The following DEDD2 variants were observed in gnomAD, a reference collection of about 807,000 sequenced individuals.
The protein encoded by DEDD2 is death effector domain containing 2.
DEDD2 carries 18 observed loss-of-function variants against 28.9 expected under a neutral mutation model. The ratio of observed to expected loss-of-function variants is 0.62; its 90% CI spans 0.43 to 0.92. DEDD2 has a LOEUF of 0.92. Among genes scored for constraint, DEDD2 ranks in the 40% least tolerant of loss-of-function variants. The pLI is 0.00. For missense variants in DEDD2, 411 were observed against 463.3 expected, an observed-to-expected ratio of 0.89 and a Z score of 1.04; for synonymous variants, 211 against 206.1, an observed-to-expected ratio of 1.02 and a Z score of -0.20.
At chr19:42,203,034 A>C (rs2035393077) in intron 4 of DEDD2, among the ~76,000 whole-genome samples, 1 of 152,206 alleles carries the variant, frequency 6.6e-6, no homozygotes, top group South Asian at 2.1e-4. Flanking sequence ...TCCCCACAAC[A>C]ATCAGGTGAT....
Position 42,210,554 on chromosome 19 carries a change from C to T in DEDD2, c.449-714G>A, listed in dbSNP as rs534113102. Among the ~76,000 whole-genome samples, 24 of 151,990 alleles carry T rather than the reference C, an allele frequency of 1.6e-4. 1 individual carries two copies. In the East Asian group the frequency reaches 2.9e-3, roughly 19 times the overall value. ...GATTACAGGTGTCTGCCACGACAACCGGCTAATTTTTTGTATTTTAAGTAG... is the reference window on the plus strand; with the variant it reads ...GATTACAGGTGTCTGCCACGACAACTGGCTAATTTTTTGTATTTTAAGTAG... On this transcript the variant is annotated intron_variant, in intron 3 of 4. Coordinates refer to ENST00000596251, the MANE Select transcript of DEDD2 (RefSeq NM_133328.4).
At chr19:42,212,756 C>T (rs897420392) in intron 3 of DEDD2, among the ~76,000 whole-genome samples, 1 of 152,164 alleles carries the variant, frequency 6.6e-6, no homozygotes, top group Non-Finnish European at 1.5e-5. Context: ...TGAGCCACTG[C>T]ACCCGGCTAG....
intron 2 of DEDD2, 140 bp downstream of exon 2, chr19:42,216,540 G>A: frequency 1.2e-5 from 11 of 880,312 alleles, no homozygotes; most frequent in Non-Finnish European, 1.8e-5. Flanking sequence ...GTTGCTCATT[G>A]ATATTGTGGG....
intron 4 of DEDD2, among the ~76,000 whole-genome samples, chr19:42,200,555 G>A (rs887664903): frequency 2.6e-5 from 4 of 152,202 alleles, no homozygotes; most frequent in South Asian, 2.1e-4. Flanking sequence ...GGAGGCTTGC[G>A]GCTGGACCTG....
upstream of DEDD2, among the ~76,000 whole-genome samples, chr19:42,219,208 G>T (rs1205963): frequency 0.048 from 7,315 of 152,238 alleles, 534 homozygotes; most frequent in African/African-American, 0.16. Context: ...GGAGGCTGAC[G>T]CAGGAGAATC....
chr19:42,212,749 G>A (rs2035819928), intron 3 of DEDD2, among the ~76,000 whole-genome samples: 1 of 152,110 alleles, frequency 6.6e-6, no homozygotes, highest in African/African-American at 2.4e-5. Context: ...ACAGGTGTGA[G>A]CCACTGCACC....
intron 4 of DEDD2, among the ~76,000 whole-genome samples, chr19:42,205,666 T>C (rs1353850639): frequency 1.3e-5 from 2 of 151,746 alleles, no homozygotes; most frequent in African/African-American, 4.8e-5. Context: ...CAGTGAAACA[T>C]CTACAGATGA....
At chr19:42,210,403 T>G (rs1858514623) in intron 3 of DEDD2, among the ~76,000 whole-genome samples, 1 of 152,110 alleles carries the variant, frequency 6.6e-6, no homozygotes, top group African/African-American at 2.4e-5. Flanking sequence ...TTTCATACTT[T>G]TTTTTTTGAG....
chr19:42,210,492 C>T (rs1599773564), intron 3 of DEDD2, among the ~76,000 whole-genome samples: 1 of 151,990 alleles, frequency 6.6e-6, no homozygotes, highest in Non-Finnish European at 1.5e-5. Context: ...CTCCCGGGTT[C>T]AAGCAATTCT....
At chr19:42,200,034 A>G (rs2035269663) in intron 4 of DEDD2, among the ~76,000 whole-genome samples, 1 of 151,888 alleles carries the variant, frequency 6.6e-6, no homozygotes, top group South Asian at 2.1e-4. Context: ...TCACTGCTCC[A>G]ACAAGCCTCC....
At chr19:42,203,040 G>A (rs2035393699) in intron 4 of DEDD2, among the ~76,000 whole-genome samples, 1 of 152,182 alleles carries the variant, frequency 6.6e-6, no homozygotes, top group Non-Finnish European at 1.5e-5. Flanking sequence ...CAACAATCAG[G>A]TGATGCTGTT....
Position 42,209,779 on chromosome 19 carries a change from C to T in DEDD2, c.510G>A (p.Arg170=). The change falls in exon 4 of 5, where the codon CGG becomes CGA. Residue 170 remains arginine, a synonymous_variant. Transcript: ENST00000596251. Reference sequence around the variant, plus strand: ...GTGCGGCTGGGGCCCCTCTCCGCCGCCGTCTGGCACCACCACTGGGCCGGC... The same window carrying T: ...GTGCGGCTGGGGCCCCTCTCCGCCGTCGTCTGGCACCACCACTGGGCCGGC... ...SRGRPSGGAR[R]RRRGAPAAPQ... 6.3e-7 allele frequency: 1 copy of T among 1,595,434 alleles called. No homozygotes were observed. Among genetic ancestry groups the T allele is most frequent in the Non-Finnish European group, 8.5e-7 (1 of 1,171,964 alleles).
upstream of DEDD2, among the ~76,000 whole-genome samples, chr19:42,219,398 C>T (rs2036089376): frequency 6.6e-6 from 1 of 151,924 alleles, no homozygotes. Context: ...ATCAGGAGTT[C>T]GAGAGCAGCC....
At chr19:42,207,007 C>T (rs567223554) in intron 4 of DEDD2, among the ~76,000 whole-genome samples, 12 of 152,294 alleles carry the variant, frequency 7.9e-5, no homozygotes, top group Non-Finnish European at 1.6e-4. Flanking sequence ...ACGACCTCCT[C>T]GCCTCGGGAA....
At position 42,216,958 on chromosome 19, in the gene DEDD2, C is replaced by A; in HGVS notation, c.50G>T (p.Cys17Phe). Residue 17 changes from cysteine to phenylalanine, a missense_variant, in exon 2 of 5, where the codon TGC (cysteine) becomes TTC (phenylalanine). Physicochemically the swap from Cys to Phe is radical, Grantham distance 205 (BLOSUM62 -2). Coordinates refer to ENST00000596251, the MANE Select transcript of DEDD2 (RefSeq NM_133328.4). ...CGACAGCATCCCGTAGTAGTCCAGG[C>A]ACTCATCCTCCTCCCAGCACGGGGC... Reference protein sequence around the residue: ...TPAPCWEEDECLDYYGMLSLH... With the variant: ...TPAPCWEEDEFLDYYGMLSLH... The A allele has an allele frequency of 6.2e-7, 1 of 1,602,012 alleles. No individual in the cohort carries two copies. Among genetic ancestry groups the A allele is most frequent in the Non-Finnish European group, 8.5e-7 (1 of 1,174,838 alleles).
intron 3 of DEDD2, among the ~76,000 whole-genome samples, chr19:42,210,691 A>G (rs2035722052): frequency 6.6e-6 from 1 of 152,226 alleles, no homozygotes; most frequent in East Asian, 1.9e-4. Flanking sequence ...CACCAAGCCC[A>G]GCCCCACACT....
chr19:42,202,167 C>G (rs1172005222), intron 4 of DEDD2: 4 of 398,318 alleles, frequency 1.0e-5, no homozygotes, highest in African/African-American at 8.2e-5. Context: ...AGCCCTACGA[C>G]AAAGAAGGCT....
chr19:42,216,757 C>T lies in DEDD2; in HGVS notation c.251G>A (p.Arg84Gln). ...CACGCGCAGGAGTTGCCCCAGCAGC[C>T]GCAGGTTGCTCTCGTCGCACTGCCC... is the stretch of plus-strand genomic sequence containing the variant. ...RRGQCDESNL[R>Q]LLGQLLRVLA... Residue 84 changes from arginine (R) to glutamine (Q), a missense_variant, in exon 2 of 5, where the codon CGG (arginine) becomes CAG (glutamine). By Grantham distance (43) the Arg-to-Gln change is conservative (BLOSUM62 1). Coordinates refer to ENST00000596251, the MANE Select transcript of DEDD2 (RefSeq NM_133328.4). 1 of 1,594,028 alleles carries T rather than the reference C, an allele frequency of 6.3e-7. No individual in the cohort carries two copies. The highest frequency in any genetic ancestry group is 8.5e-7 in the Non-Finnish European group (1 of 1,171,260).
At chr19:42,204,964 T>C (rs554893160) in intron 4 of DEDD2, among the ~76,000 whole-genome samples, 91 of 152,346 alleles carry the variant, frequency 6.0e-4, no homozygotes, top group Middle Eastern at 3.4e-3. Context: ...CAGAGAGGGA[T>C]AAGCAGCCAT....
Sources: allele counts gnomAD v4.1 joint callset (sites outside exome capture counted in the v4.1 genomes callset), GRCh38; gene constraint gnomAD v4.1.1; transcripts MANE v1.5; gene names NCBI Gene and HGNC (gene_info 2026-07-23, HGNC 2026-07-21).